The following TTC29 variants were observed in gnomAD, a reference collection of about 807,000 sequenced individuals.
TTC29 encodes the protein tetratricopeptide repeat domain 29.
In TTC29, 49 loss-of-function variants were observed where a neutral mutation model predicts 58.1. The ratio of observed to expected loss-of-function variants is 0.84; its 90% CI spans 0.67 to 1.07. The LOEUF (loss-of-function observed/expected upper bound fraction) is 1.07, where lower values mean the gene tolerates loss of function less well. Among genes scored for constraint, TTC29 ranks in the 50% least tolerant of loss-of-function variants. The pLI is 0.00. For synonymous variants in TTC29, 209 were observed against 196.8 expected (o/e 1.06, Z -0.52); for missense variants, 582 against 555.6 (o/e 1.05, Z -0.48).
chr4:146,847,092 T>C (rs1416660351), intron 8 of TTC29, among the ~76,000 whole-genome samples: 1 of 152,168 alleles, frequency 6.6e-6, no homozygotes, highest in Non-Finnish European at 1.5e-5. Flanking sequence ...TTCACAGTGA[T>C]AGAAGAGACA....
intron 6 of TTC29, among the ~76,000 whole-genome samples, chr4:146,882,297 GA>G (rs1279254021): frequency 6.6e-6 from 1 of 152,094 alleles, no homozygotes; most frequent in African/African-American, 2.4e-5. Context: ...AATTTCTAAA[GA>G]TAAGCATTAG....
chr4:146,774,449 G>A (rs1579641823), intron 11 of TTC29, among the ~76,000 whole-genome samples: 1 of 152,046 alleles, frequency 6.6e-6, no homozygotes, highest in Non-Finnish European at 1.5e-5. Context: ...TTCAAATAAT[G>A]TCTTGATTTC....
intron 4 of TTC29, among the ~76,000 whole-genome samples, chr4:146,918,967 G>GC: frequency 2.6e-5 from 4 of 151,104 alleles, no homozygotes; most frequent in Non-Finnish European, 5.9e-5. Flanking sequence ...TGCCTTTAAT[G>GC]AAAACTTCTC....
At chr4:146,920,534 G>A (rs1398496305) in intron 4 of TTC29, among the ~76,000 whole-genome samples, 1 of 151,074 alleles carries the variant, frequency 6.6e-6, no homozygotes, top group African/African-American at 2.4e-5. Context: ...ATGGAAGATA[G>A]TGTAGGGGTA....
chr4:146,904,231 A>G (rs746864005), intron 5 of TTC29, among the ~76,000 whole-genome samples: 7 of 152,048 alleles, frequency 4.6e-5, no homozygotes, highest in Non-Finnish European at 1.0e-4. Context: ...CGGGCCTGAT[A>G]GATACAACAA....
chr4:146,868,148 C>T (rs1344564273), intron 7 of TTC29, among the ~76,000 whole-genome samples: 1 of 152,120 alleles, frequency 6.6e-6, no homozygotes, highest in African/African-American at 2.4e-5. Context: ...CGCATGTTCT[C>T]ACTCATAGAT....
In TTC29 at chr4:146,916,690, T is replaced by C. The variant is rs540968767; in HGVS notation, c.177-7441A>G. On this transcript the variant is annotated intron_variant, in intron 4 of 12. Coordinates refer to ENST00000325106, the MANE Select transcript of TTC29 (RefSeq NM_031956.4). ...GGCATCTACTGGAAATTTAGCAAAC[T>C]GCAGTTACATCATGTAAATTTGGTA... Among the ~76,000 whole-genome samples the C allele has an allele frequency of 4.0e-4, 60 of 151,718 alleles. 2 individuals are homozygous for C. The South Asian group carries it at 0.012, about 31-fold the overall frequency.
At chr4:146,905,741 T>G (rs1733481181) in intron 5 of TTC29, among the ~76,000 whole-genome samples, 1 of 152,158 alleles carries the variant, frequency 6.6e-6, no homozygotes, top group South Asian at 2.1e-4. Flanking sequence ...ATAAAATAAA[T>G]TTGGGAAACA....
intron 4 of TTC29, among the ~76,000 whole-genome samples, chr4:146,911,529 A>G (rs1186574550): frequency 1.3e-5 from 2 of 152,224 alleles, no homozygotes; most frequent in Non-Finnish European, 2.9e-5. Flanking sequence ...TAAGTAAAAG[A>G]AACTTGTCTC....
At chr4:146,787,024 G>T (rs1349572190) in intron 11 of TTC29, among the ~76,000 whole-genome samples, 1 of 152,098 alleles carries the variant, frequency 6.6e-6, no homozygotes, top group Admixed American at 6.5e-5. Flanking sequence ...GGGAGGCTGG[G>T]GCAGGAGGGT....
chr4:146,820,108 G>T lies in TTC29; in HGVS notation c.1101+17C>A. On this transcript the variant is annotated intron_variant, in intron 10 of 12. Transcript: ENST00000325106. ...ACACCGCAAATTTCTCTATAAACAA[G>T]AAACACATAGACTCACTTTTTCATT... 5.0e-6 allele frequency: 8 copies of T among 1,610,584 alleles called. No individual in the cohort carries two copies. The highest frequency in any genetic ancestry group is 5.9e-6 in the Non-Finnish European group (7 of 1,179,456).
chr4:146,786,702 T>C (rs1749043369), intron 11 of TTC29, among the ~76,000 whole-genome samples: 2 of 152,210 alleles, frequency 1.3e-5, no homozygotes, highest in Non-Finnish European at 2.9e-5. Context: ...TTGTGATAAA[T>C]GTCCCAGAAA....
chr4:146,707,544 A>C lies in TTC29; in HGVS notation c.1338T>G (p.Phe446Leu). ...ATACAGCTTCCACTGTGGATCCTCT[A>C]AACTCTTCTAAAAAAAAAATACACA... ...NIEPDPVTEE[F>L]RGSTVEAVSQ... The change falls in exon 12 of 13, where the codon TTT becomes TTG. Residue 446 changes from phenylalanine (F) to leucine (L), a missense_variant. By Grantham distance (22) the Phe-to-Leu change is conservative. Coordinates refer to ENST00000325106, the MANE Select transcript of TTC29 (RefSeq NM_031956.4). 6.2e-7 allele frequency: 1 copy of C among 1,601,822 alleles called. No homozygotes were observed. Among genetic ancestry groups the C allele is most frequent in the Non-Finnish European group, 8.5e-7 (1 of 1,174,310 alleles).
chr4:146,713,110 T>TGGTGTG (rs1742633416), intron 11 of TTC29, among the ~76,000 whole-genome samples: 5 of 24,574 alleles, frequency 2.0e-4, no homozygotes, highest in Admixed American at 5.0e-4. Flanking sequence ...GGAGAATTGA[T>TGGTGTG]CGTGTGTGTG....
intron 9 of TTC29, among the ~76,000 whole-genome samples, chr4:146,827,154 G>T (rs1346513109): frequency 1.3e-5 from 2 of 152,064 alleles, no homozygotes; most frequent in African/African-American, 4.8e-5. Context: ...TCCCTTGGCT[G>T]GAGGGAGGGG....
intron 8 of TTC29, among the ~76,000 whole-genome samples, chr4:146,859,354 T>C (rs528531556): frequency 6.6e-6 from 1 of 152,256 alleles, no homozygotes; most frequent in East Asian, 1.9e-4. Context: ...TTCTTTGTTC[T>C]CATTTCCTTC....
intron 4 of TTC29, among the ~76,000 whole-genome samples, chr4:146,910,609 TGGGA>T (rs986245590): frequency 1.3e-5 from 2 of 151,950 alleles, no homozygotes; most frequent in Admixed American, 6.6e-5. Flanking sequence ...GACTCCAAGC[TGGGA>T]GGGAGGTAGA....
chr4:146,920,703 T>C (rs1265371113), intron 4 of TTC29, among the ~76,000 whole-genome samples: 2 of 151,188 alleles, frequency 1.3e-5, no homozygotes, highest in East Asian at 3.8e-4. Flanking sequence ...AGCCCCTTTT[T>C]TGATAAAATT....
chr4:146,720,693 C>T (rs1169553386), intron 11 of TTC29, among the ~76,000 whole-genome samples: 1 of 152,098 alleles, frequency 6.6e-6, no homozygotes, highest in Non-Finnish European at 1.5e-5. Flanking sequence ...TTTTGTAGAA[C>T]TCAATAGCAA....
Sources: gnomAD v4.1 joint callset for allele counts (sites outside exome capture counted in the v4.1 genomes callset) on GRCh38, gnomAD v4.1.1 for gene constraint, MANE v1.5 for transcripts, NCBI Gene and HGNC (gene_info 2026-07-23, HGNC 2026-07-21) for gene names.